CATSPERE: variants seen among roughly 807,000 people sequenced by gnomAD.
CATSPERE encodes the protein catsper channel auxiliary subunit epsilon, also known as cation channel sperm-associated auxiliary subunit epsilon.
Under a neutral mutation model 114.1 loss-of-function variants are expected in CATSPERE, and 93 were observed. The ratio of observed to expected loss-of-function variants is 0.81; its 90% CI spans 0.69 to 0.97. The LOEUF (loss-of-function observed/expected upper bound fraction) is 0.97, where lower values mean the gene tolerates loss of function less well. Ranked by LOEUF, CATSPERE falls within the 50% of genes least tolerant of loss-of-function variation. CATSPERE has a pLI of 0.00. For missense variants in CATSPERE, 1,058 were observed against 1,131.6 expected (o/e 0.93, Z 0.93); for synonymous variants, 341 against 384.1 (o/e 0.89, Z 1.31).
At chr1:244,479,196 C>T (rs939299060) in intron 4 of CATSPERE, among the ~76,000 whole-genome samples, 20 of 151,828 alleles carry the variant, frequency 1.3e-4, no homozygotes, top group Non-Finnish European at 2.9e-4. Flanking sequence ...TGGGTTCAAG[C>T]GATTCTTCTG....
At chr1:244,517,486 A>G (rs544092890) in intron 7 of CATSPERE, among the ~76,000 whole-genome samples, 2 of 151,906 alleles carry the variant, frequency 1.3e-5, no homozygotes, top group South Asian at 4.2e-4. Context: ...AACATCATCA[A>G]ATGGGCTGGG....
intron 20 of CATSPERE, 103 bp downstream of exon 20, chr1:244,617,789 AT>A: frequency 9.8e-7 from 1 of 1,023,482 alleles, no homozygotes; most frequent in Non-Finnish European, 1.4e-6. Flanking sequence ...TATTCTTGTT[AT>A]TTACATATTT....
chr1:244,577,560 G>T (rs1474080356), intron 11 of CATSPERE, among the ~76,000 whole-genome samples: 1 of 152,166 alleles, frequency 6.6e-6, no homozygotes, highest in Non-Finnish European at 1.5e-5. Flanking sequence ...TTGGTCTCTG[G>T]TGAGGGACCG....
At position 244,552,260 on chromosome 1, in the gene CATSPERE, A is replaced by T. The variant is rs899383420; in HGVS notation, c.537-62A>T. On this transcript the variant is annotated intron_variant, in intron 8 of 21. Coordinates refer to ENST00000366534, the MANE Select transcript of CATSPERE (RefSeq NM_001130957.2). ...AATGTTTTAAAGATGATAGATATCA[A>T]CTGTACAAGATGGATCAGATGAGAG... The T allele has an allele frequency of 2.0e-6, 3 of 1,506,620 alleles. No homozygotes were observed. In the East Asian group the frequency reaches 6.8e-5, roughly 34 times the overall value. The allele number at this position is 1,506,620 out of a possible 1,614,324, so 93.3% of individuals were successfully genotyped here.
rs1041056918 is a variant in CATSPERE, at chr1:244,633,087, A to G, written c.2649-2402A>G. 6.6e-6 allele frequency among the ~76,000 whole-genome samples: 1 copy of G among 152,212 alleles called. No homozygotes were observed. Among genetic ancestry groups the G allele is most frequent in the Non-Finnish European group, 1.5e-5 (1 of 68,040 alleles). On this transcript the variant is annotated intron_variant, in intron 20 of 21. Coordinates refer to ENST00000366534, the MANE Select transcript of CATSPERE (RefSeq NM_001130957.2). The surrounding 1 kb of genome is among the most constrained non-coding windows in gnomAD (Gnocchi z 4.1). ...GAAGGTGTAATAATCCTAAATGTGG[A>G]TTTACCTTTAAAACAGCTTCAAAAT...
In CATSPERE at chr1:244,612,806, C is replaced by T. The variant is rs182872855; in HGVS notation, c.2490+2480C>T. On this transcript the variant is annotated intron_variant, in intron 19 of 21. Coordinates refer to ENST00000366534, the MANE Select transcript of CATSPERE (RefSeq NM_001130957.2). Reference sequence around the variant, plus strand: ...CCTCCCAAGTAGCTGGGATTACAGGCGCGGCACCACGCCCGGCCAGGAGAT... The same window carrying T: ...CCTCCCAAGTAGCTGGGATTACAGGTGCGGCACCACGCCCGGCCAGGAGAT... Among the ~76,000 whole-genome samples the T allele has an allele frequency of 3.0e-3, 450 of 152,214 alleles. 2 individuals are homozygous for T. The highest frequency in any genetic ancestry group is 0.018 in the South Asian group (87 of 4,828).
chr1:244,494,129 G>T (rs1264036190), intron 6 of CATSPERE, among the ~76,000 whole-genome samples: 1 of 151,942 alleles, frequency 6.6e-6, no homozygotes, highest in Non-Finnish European at 1.5e-5. Context: ...TATAAATCAT[G>T]CTGCTATAAA....
intron 10 of CATSPERE, among the ~76,000 whole-genome samples, chr1:244,571,715 G>C (rs147990699): frequency 6.6e-6 from 1 of 152,200 alleles, no homozygotes; most frequent in Non-Finnish European, 1.5e-5. Context: ...CTAGAGGCTA[G>C]AAGTCCAAGA....
chr1:244,493,931 T>C (rs1472059798), intron 6 of CATSPERE, among the ~76,000 whole-genome samples: 2 of 152,120 alleles, frequency 1.3e-5, no homozygotes, highest in Non-Finnish European at 2.9e-5. Flanking sequence ...AGAATGGCGA[T>C]CATTAAAAAG....
At position 244,482,686 on chromosome 1, in the gene CATSPERE, CAG is replaced by C. The variant is rs1670451018; in HGVS notation, c.326+2903_326+2904del. On this transcript the variant is annotated intron_variant, in intron 5 of 21. Transcript: ENST00000366534. ...AGAATAAAAAGGATAGTAATGAAAT[CAG>C]TACCCACATATGCATTACCCAAATC... Among the ~76,000 whole-genome samples, 3 of 152,084 alleles carry C rather than the reference CAG, an allele frequency of 2.0e-5. 1 individual carries two copies. In the South Asian group the frequency reaches 6.2e-4, roughly 32 times the overall value.
intron 20 of CATSPERE, among the ~76,000 whole-genome samples, chr1:244,621,427 A>C (rs1479663328): frequency 6.7e-6 from 1 of 148,942 alleles, no homozygotes; most frequent in Non-Finnish European, 1.5e-5. Context: ...AAAAAGAATA[A>C]TAATCTAGCC....
chr1:244,562,789 G>A lies in CATSPERE; in HGVS notation c.1507+1644G>A, dbSNP rs564804196. ...TGGGATACATGTGCAGAATGTGCAG[G>A]TTTGTTACATAGGTATACACGTGCC... On this transcript the variant is annotated intron_variant, in intron 10 of 21. Transcript: ENST00000366534. Among the ~76,000 whole-genome samples, 7 of 152,030 alleles carry A rather than the reference G, an allele frequency of 4.6e-5. 1 individual carries two copies. The South Asian group carries it at 1.5e-3, about 32-fold the overall frequency.
chr1:244,556,296 T>G (rs534442591), intron 9 of CATSPERE, among the ~76,000 whole-genome samples: 38 of 147,980 alleles, frequency 2.6e-4, no homozygotes, highest in South Asian at 6.3e-4. Context: ...TTCAATGAAC[T>G]AAAATGAAAT....
At chr1:244,476,480 C>T (rs1458120590) in intron 2 of CATSPERE, among the ~76,000 whole-genome samples, 7 of 151,856 alleles carry the variant, frequency 4.6e-5, no homozygotes. Flanking sequence ...TCAAATTTTG[C>T]TTATTATATT....
chr1:244,629,503 CTTTTTTTTTTTTT>C (rs369560104), intron 20 of CATSPERE, among the ~76,000 whole-genome samples: 2 of 82,300 alleles, frequency 2.4e-5, no homozygotes, highest in African/African-American at 4.9e-5. Context: ...TCTCTCTTAC[CTTTTTTTTTTTTT>C]TTTTTTTTTT....
intron 20 of CATSPERE, among the ~76,000 whole-genome samples, chr1:244,624,499 A>T (rs1260297655): frequency 1.3e-5 from 2 of 152,092 alleles, no homozygotes; most frequent in Non-Finnish European, 2.9e-5. Context: ...CTAGGATTAG[A>T]TCTCATCTCA....
upstream of CATSPERE, among the ~76,000 whole-genome samples, chr1:244,452,613 C>T (rs1319616688): frequency 6.6e-6 from 1 of 152,176 alleles, no homozygotes; most frequent in African/African-American, 2.4e-5. Context: ...AGTGGATTAC[C>T]TATGTCGCAT....
intron 2 of CATSPERE, among the ~76,000 whole-genome samples, chr1:244,475,234 T>C (rs1572269608): frequency 6.8e-6 from 1 of 147,872 alleles, no homozygotes; most frequent in East Asian, 2.1e-4. Flanking sequence ...CAAATTATCT[T>C]ATCTAGAGAC....
At chr1:244,599,072 A>T (rs1182475442) in intron 17 of CATSPERE, among the ~76,000 whole-genome samples, 2 of 152,136 alleles carry the variant, frequency 1.3e-5, no homozygotes, top group Non-Finnish European at 2.9e-5. Flanking sequence ...TGGGAAAAAG[A>T]CTGGAGGATT....
Sources: gnomAD v4.1 joint callset for allele counts (sites outside exome capture counted in the v4.1 genomes callset) on GRCh38, gnomAD v4.1.1 for gene constraint, Gnocchi (gnomAD v3.1) non-coding constraint, MANE v1.5 for transcripts, NCBI Gene and HGNC (gene_info 2026-07-23, HGNC 2026-07-21) for gene names.